GULP1: variants seen among roughly 807,000 people sequenced by gnomAD.
GULP1 encodes GULP PTB domain containing engulfment adaptor 1.
GULP1 carries 19 observed loss-of-function variants against 40.9 expected under a neutral mutation model. The observed-to-expected ratio is 0.46, with a 90% CI of 0.32 to 0.68. The LOEUF (loss-of-function observed/expected upper bound fraction) is 0.68, where lower values mean the gene tolerates loss of function less well. Among genes scored for constraint, GULP1 ranks in the 30% least tolerant of loss-of-function variants. GULP1 has a pLI of 0.03. For synonymous variants in GULP1, 119 were observed against 117.6 expected, an observed-to-expected ratio of 1.01 and a Z score of -0.08; for missense variants, 312 against 362.2, an observed-to-expected ratio of 0.86 and a Z score of 1.12.
chr2:188,535,554 A>G (rs1688716713), intron 6 of GULP1, among the ~76,000 whole-genome samples: 1 of 152,078 alleles, frequency 6.6e-6, no homozygotes, highest in Admixed American at 6.6e-5. Context: ...TCTGTGGTAC[A>G]TATGTACCAC....
chr2:188,539,726 A>C (rs1689948659), intron 6 of GULP1, among the ~76,000 whole-genome samples: 1 of 152,118 alleles, frequency 6.6e-6, no homozygotes, highest in South Asian at 2.1e-4. Flanking sequence ...TGCTATGGAC[A>C]GTTCTCTTAG....
intron 2 of GULP1, among the ~76,000 whole-genome samples, chr2:188,424,894 G>A (rs1263808600): frequency 6.6e-6 from 1 of 151,976 alleles, no homozygotes; most frequent in African/African-American, 2.4e-5. Flanking sequence ...GGAATTTCTT[G>A]TAAAATGTTA....
intron 1 of GULP1, among the ~76,000 whole-genome samples, chr2:188,348,311 T>A (rs1006932022): frequency 6.6e-6 from 1 of 152,228 alleles, no homozygotes; most frequent in Admixed American, 6.5e-5. Flanking sequence ...ATCAGGAAGT[T>A]ATCTGGTCAA....
At position 188,595,225 on chromosome 2, in the gene GULP1, C is replaced by T. The variant is rs1704259412; in HGVS notation, c.*1214C>T. 1 of 151,462 alleles carries T rather than the reference C, an allele frequency of 6.6e-6. No individual in the cohort carries two copies. The highest frequency in any genetic ancestry group is 2.4e-5 in the African/African-American group (1 of 41,356). 9.4% of individuals were successfully genotyped at this position (151,462 alleles called of 1,614,324 possible). A position where few individuals can be genotyped will look rare whatever the true frequency, so the allele number is the denominator to read the frequency against. ...ACAGACTAATTTGTACTCAGTAAAA[C>T]AAAAATTTATGGTCAAAATTTCTAA... On this transcript the variant is annotated 3_prime_UTR_variant, in exon 12 of 12. Coordinates refer to ENST00000409830, the MANE Select transcript of GULP1 (RefSeq NM_016315.4).
chr2:188,525,509 T>C (rs1685936183), intron 5 of GULP1, among the ~76,000 whole-genome samples: 1 of 152,226 alleles, frequency 6.6e-6, no homozygotes, highest in African/African-American at 2.4e-5. Flanking sequence ...AATTTTATTT[T>C]TAATAGTGAT....
At chr2:188,546,473 T>TC (rs1167174617) in intron 7 of GULP1, among the ~76,000 whole-genome samples, 1 of 152,006 alleles carries the variant, frequency 6.6e-6, no homozygotes, top group Non-Finnish European at 1.5e-5. Flanking sequence ...ATTCCATACA[T>TC]TAAATAGCGA....
rs199623930 is a variant in GULP1 at position 188,452,249 on chromosome 2, CA to C, written c.-44-25407del. On this transcript the variant is annotated intron_variant, in intron 2 of 11. Transcript: ENST00000409830. ...ATGAAAGGAAAGAAAGCACCAGATC[CA>C]AAGGCCAGTGTTTATTTCCATAGAT... 8.5e-5 allele frequency among the ~76,000 whole-genome samples: 13 copies of C among 152,208 alleles called. No homozygotes were observed. In the East Asian group the frequency reaches 2.5e-3, roughly 30 times the overall value.
intron 3 of GULP1, among the ~76,000 whole-genome samples, chr2:188,482,755 C>A (rs754627176): frequency 1.7e-4 from 25 of 151,090 alleles, no homozygotes; most frequent in Non-Finnish European, 3.4e-4. Context: ...ATATTCTATC[C>A]TTTTATTTCT....
At chr2:188,528,156 A>G (rs1208915797) in intron 5 of GULP1, among the ~76,000 whole-genome samples, 1 of 152,192 alleles carries the variant, frequency 6.6e-6, no homozygotes, top group African/African-American at 2.4e-5. Context: ...GCCAATTAAA[A>G]TCAAGATGCC....
intron 1 of GULP1, among the ~76,000 whole-genome samples, chr2:188,344,368 C>T (rs2043347265): frequency 6.6e-6 from 1 of 152,116 alleles, no homozygotes; most frequent in South Asian, 2.1e-4. Context: ...TGGAGAGAAT[C>T]AGTCTGGTGA....
chr2:188,406,616 CAG>C (rs761234854), intron 2 of GULP1, among the ~76,000 whole-genome samples: 10 of 151,136 alleles, frequency 6.6e-5, no homozygotes, highest in Non-Finnish European at 1.0e-4. Flanking sequence ...GTTGTTCAAA[CAG>C]AAAAAAAATC....
intron 7 of GULP1, among the ~76,000 whole-genome samples, chr2:188,566,174 G>A (rs1437580108): frequency 6.6e-6 from 1 of 152,220 alleles, no homozygotes; most frequent in African/African-American, 2.4e-5. Flanking sequence ...CTCCAAAAAT[G>A]TGATGGTTGG....
intron 2 of GULP1, among the ~76,000 whole-genome samples, chr2:188,385,871 A>G (rs910189227): frequency 6.6e-6 from 1 of 152,092 alleles, no homozygotes; most frequent in African/African-American, 2.4e-5. Flanking sequence ...CCTGGATGTC[A>G]TTGTCCATAT....
At chr2:188,410,834 C>A (rs1189141793) in intron 2 of GULP1, among the ~76,000 whole-genome samples, 1 of 152,120 alleles carries the variant, frequency 6.6e-6, no homozygotes, top group Non-Finnish European at 1.5e-5. Flanking sequence ...AGGCACAGAC[C>A]TTCATGGAAG....
chr2:188,514,978 T>C (rs1243449796), intron 4 of GULP1, among the ~76,000 whole-genome samples: 1 of 152,228 alleles, frequency 6.6e-6, no homozygotes, highest in Non-Finnish European at 1.5e-5. Flanking sequence ...TTGTTTCTGA[T>C]TTTGAGCTAT....
At chr2:188,313,594 T>C (rs1006654419) in intron 1 of GULP1, among the ~76,000 whole-genome samples, 4 of 152,034 alleles carry the variant, frequency 2.6e-5, no homozygotes, top group African/African-American at 9.7e-5. Flanking sequence ...CTTGGCTATA[T>C]GGGGTGTTCT....
intron 9 of GULP1, among the ~76,000 whole-genome samples, chr2:188,572,502 A>G (rs1003549823): frequency 1.3e-5 from 2 of 152,178 alleles, no homozygotes; most frequent in Admixed American, 6.5e-5. Context: ...GAGTTCATAT[A>G]TATGTAGAAA....
chr2:188,380,595 T>C (rs895879026), intron 1 of GULP1, among the ~76,000 whole-genome samples: 1 of 152,208 alleles, frequency 6.6e-6, no homozygotes, highest in African/African-American at 2.4e-5. Flanking sequence ...TCTTATTTTA[T>C]ATATTTTGAA....
At position 188,595,733 on chromosome 2, in the gene GULP1, A is replaced by G. The variant is rs1226025770; in HGVS notation, c.*1722A>G. The G allele has an allele frequency of 4.6e-5, 7 of 152,202 alleles. No homozygotes were observed. The highest frequency in any genetic ancestry group is 4.0e-4 in the Admixed American group (6 of 15,172). The allele number at this position is 152,202 out of a possible 1,614,324, so 9.4% of individuals were successfully genotyped here. On this transcript the variant is annotated 3_prime_UTR_variant, in exon 12 of 12. Coordinates refer to ENST00000409830, the MANE Select transcript of GULP1 (RefSeq NM_016315.4). ...GTACTAAGATGGTATTTGCACATTT[A>G]AGATATGTTACTTTACCAATTTTTA...
Sources: allele counts gnomAD v4.1 joint callset (sites outside exome capture counted in the v4.1 genomes callset), GRCh38; gene constraint gnomAD v4.1.1; transcripts MANE v1.5; gene names NCBI Gene and HGNC (gene_info 2026-07-23, HGNC 2026-07-21).